The following SIX4 variants were observed in gnomAD, a reference collection of about 807,000 sequenced individuals.
SIX4 encodes homeobox protein SIX4.
Under a neutral mutation model 51.5 loss-of-function variants are expected in SIX4, and 23 were observed. That is an observed-to-expected ratio of 0.45 (90% CI 0.32 to 0.63). SIX4 has a LOEUF of 0.63. Among genes scored for constraint, SIX4 ranks in the 30% least tolerant of loss-of-function variants. SIX4 has a pLI of 0.04. For synonymous variants in SIX4, 413 were observed against 417.3 expected, an observed-to-expected ratio of 0.99 and a Z score of 0.13; for missense variants, 867 against 984.0, an observed-to-expected ratio of 0.88 and a Z score of 1.59.
At chr14:60,718,641 C>T (rs1056307398) in intron 2 of SIX4, among the ~76,000 whole-genome samples, 1 of 152,170 alleles carries the variant, frequency 6.6e-6, no homozygotes, top group Non-Finnish European at 1.5e-5. Context: ...CTTTCCATAA[C>T]TTGGAACAAT....
rs1235206474 is a variant in SIX4 at position 60,722,895 on chromosome 14, CA to C, written c.863+316del. Among the ~76,000 whole-genome samples the C allele has an allele frequency of 7.5e-6, 1 of 134,118 alleles. No individual in the cohort carries two copies. Among genetic ancestry groups the C allele is most frequent in the African/African-American group, 2.8e-5 (1 of 35,568 alleles). 88.0% of individuals were successfully genotyped at this position (134,118 alleles called of 152,430 possible). A position where few individuals can be genotyped will look rare whatever the true frequency, so the allele number is the denominator to read the frequency against. ...AGAAACGGGGAGAGGGTGGCAACTT[CA>C]AAGCCAGCGGGATGGGGGTGGGAAG... On this transcript the variant is annotated intron_variant, in intron 1 of 2. Transcript: ENST00000216513. This position sits in a 1 kb window ranked among gnomAD's most constrained non-coding sequence, Gnocchi z 5.9.
rs879225844 is a variant in SIX4 at position 60,713,605 on chromosome 14, T to C, written c.2148A>G (p.Gln716=). The part of the protein sequence containing the change: ...DFVQEHRLVL[Q]SVANMKENFL... Reference sequence around the variant, plus strand: ...AATTCTCTTTCATGTTAGCTACCGATTGCAGAACCAAACGATGTTCTTGGA... The same window carrying C: ...AATTCTCTTTCATGTTAGCTACCGACTGCAGAACCAAACGATGTTCTTGGA... The change falls in exon 3 of 3, where the codon CAA becomes CAG. Residue 716 remains glutamine, a synonymous_variant. Coordinates refer to ENST00000216513, the MANE Select transcript of SIX4 (RefSeq NM_017420.5). The C allele has an allele frequency of 6.8e-6, 11 of 1,614,120 alleles. No homozygotes were observed. Among genetic ancestry groups the C allele is most frequent in the Non-Finnish European group, 8.5e-6 (10 of 1,180,050 alleles).
In SIX4 at chr14:60,724,133, C is replaced by T. The variant is rs1219075671; in HGVS notation, c.-59G>A. The stretch of plus-strand genomic sequence containing the variant: ...CCTCGCACTCTTTTCCTCTTTCTTT[C>T]CTCCTCTCTTACTCCTCCTCCTTCG... On this transcript the variant is annotated 5_prime_UTR_variant, in exon 1 of 3. Coordinates refer to ENST00000216513, the MANE Select transcript of SIX4 (RefSeq NM_017420.5). The T allele has an allele frequency of 2.5e-6, 4 of 1,603,312 alleles. No homozygotes were observed. Among genetic ancestry groups the T allele is most frequent in the Non-Finnish European group, 2.6e-6 (3 of 1,174,996 alleles).
rs779112035 is a variant in SIX4 at position 60,719,827 on chromosome 14, C to T, written c.1482G>A (p.Gln494=). The change falls in exon 2 of 3, where the codon CAG becomes CAA. Residue 494 remains glutamine (Q), a synonymous_variant. Transcript: ENST00000216513. This position sits in a 1 kb window ranked among gnomAD's most constrained non-coding sequence, Gnocchi z 4.9. The part of the protein sequence containing the change: ...VQIPNSGANS[Q]FLNGSIGFSP... ...AGAATCCAATGCTCCCATTAAGGAA[C>T]TGGCTGTTTGCTCCGGAATTGGGGA... The T allele has an allele frequency of 1.9e-5, 31 of 1,614,108 alleles. No individual in the cohort carries two copies. The Middle Eastern group carries it at 6.6e-4, about 34-fold the overall frequency.
In SIX4 at chr14:60,723,302, T is replaced by C. The variant is rs150719134; in HGVS notation, c.773A>G (p.Lys258Arg). The C allele has an allele frequency of 2.9e-5, 46 of 1,612,896 alleles. No individual in the cohort carries two copies. The African/African-American group carries it at 5.1e-4, about 18-fold the overall frequency. ...PSPAEKRHLA[K>R]ITGLSLTQVS... ...CTGGGTGAGGGAGAGGCCGGTGATCTTGGCCAGGTGCCGCTTCTCGGCGGG... is the reference window on the plus strand; with the variant it reads ...CTGGGTGAGGGAGAGGCCGGTGATCCTGGCCAGGTGCCGCTTCTCGGCGGG... Residue 258 changes from lysine to arginine, a missense_variant, in exon 1 of 3, where the codon AAG (lysine) becomes AGG (arginine). By Grantham distance (26) the Lys-to-Arg change is conservative. Coordinates refer to ENST00000216513, the MANE Select transcript of SIX4 (RefSeq NM_017420.5).
In SIX4 at chr14:60,713,609, A is replaced by G. The variant is rs1329557510; in HGVS notation, c.2144T>C (p.Leu715Pro). Residue 715 changes from leucine to proline, a missense_variant, in exon 3 of 3, where the codon CTG becomes CCG. Physicochemically the swap from Leu to Pro is moderately conservative, Grantham distance 98. Coordinates refer to ENST00000216513, the MANE Select transcript of SIX4 (RefSeq NM_017420.5). ...QDFVQEHRLV[L>P]QSVANMKENF... ...CTCTTTCATGTTAGCTACCGATTGC[A>G]GAACCAAACGATGTTCTTGGACAAA... 3 of 1,614,260 alleles carry G rather than the reference A, an allele frequency of 1.9e-6. No homozygotes were observed. The highest frequency in any genetic ancestry group is 2.5e-6 in the Non-Finnish European group (3 of 1,180,048).
In SIX4 at chr14:60,720,479, G is replaced by A. The variant is rs1896001926; in HGVS notation, c.864-34C>T. The A allele has an allele frequency of 6.3e-7, 1 of 1,581,956 alleles. No individual in the cohort carries two copies. Among genetic ancestry groups the A allele is most frequent in the Non-Finnish European group, 8.6e-7 (1 of 1,163,812 alleles). On this transcript the variant is annotated intron_variant, in intron 1 of 2. Coordinates refer to ENST00000216513, the MANE Select transcript of SIX4 (RefSeq NM_017420.5). This position sits in a 1 kb window ranked among gnomAD's most constrained non-coding sequence, Gnocchi z 5.5. ...AGGGGGAAATCAAAATGTTCAGAAG[G>A]TCAGGGGGATGACATTCTACACAGT...
chr14:60,714,318 A>C (rs1369226578), intron 2 of SIX4, 115 bp from the exon 3 acceptor site: 1 of 890,788 alleles, frequency 1.1e-6, no homozygotes, highest in Non-Finnish European at 1.6e-6. Context: ...ACTTCCATAC[A>C]ATCATTTAGC....
rs1352238986 is a variant in SIX4 at position 60,724,077 on chromosome 14, T to G, written c.-3A>C. 4.1e-5 allele frequency: 64 copies of G among 1,553,706 alleles called. No individual in the cohort carries two copies. Among genetic ancestry groups the G allele is most frequent in the Non-Finnish European group, 5.6e-5 (64 of 1,148,418 alleles). ...CCGGTGGGGGAGGAAGAGGACATTT[T>G]TTGTTGTTTATTTTCCTCCCTCCCT... On this transcript the variant is annotated 5_prime_UTR_variant, in exon 1 of 3. Coordinates refer to ENST00000216513, the MANE Select transcript of SIX4 (RefSeq NM_017420.5).
In SIX4 at chr14:60,723,685, G is replaced by A. The variant is rs1419879164; in HGVS notation, c.390C>T (p.Ala130=). ...TCTGGGGCAGGGACCACAGGAACCGGGCCAGGCGGTCCAGGTTGCCCCCCT... is the reference window on the plus strand; with the variant it reads ...TCTGGGGCAGGGACCACAGGAACCGAGCCAGGCGGTCCAGGTTGCCCCCCT... ...LQQGGNLDRL[A]RFLWSLPQSD... The change falls in exon 1 of 3, where the codon GCC becomes GCT. Residue 130 remains alanine, a synonymous_variant. Coordinates refer to ENST00000216513, the MANE Select transcript of SIX4 (RefSeq NM_017420.5). 3 of 1,572,102 alleles carry A rather than the reference G, an allele frequency of 1.9e-6. No individual in the cohort carries two copies. The highest frequency in any genetic ancestry group is 4.7e-5 in the East Asian group (2 of 42,286).
At chr14:60,721,393 AGG>A (rs1896015988) in intron 1 of SIX4, among the ~76,000 whole-genome samples, 3 of 152,188 alleles carry the variant, frequency 2.0e-5, no homozygotes, top group African/African-American at 7.2e-5. Flanking sequence ...GGCCCAGCAG[AGG>A]ATCCGACATC....
chr14:60,720,075 C>A lies in SIX4; in HGVS notation c.1234G>T (p.Gly412Trp), dbSNP rs758435860. The part of the protein sequence containing the change: ...SNGISMTDIL[G>W]STSQDVKEFK... ...TCCTTCACGTCCTGGGAAGTAGACC[C>A]CAGTATGTCAGTCATGGATATACCA... The change falls in exon 2 of 3, where the codon GGG becomes TGG. Residue 412 changes from glycine to tryptophan, a missense_variant. Gly to Trp is a radical substitution (Grantham distance 184). Coordinates refer to ENST00000216513, the MANE Select transcript of SIX4 (RefSeq NM_017420.5). The surrounding 1 kb of genome is among the most constrained non-coding windows in gnomAD (Gnocchi z 5.5). 3.1e-6 allele frequency: 5 copies of A among 1,614,040 alleles called. No homozygotes were observed. The highest frequency in any genetic ancestry group is 4.2e-6 in the Non-Finnish European group (5 of 1,180,030).
In SIX4 at chr14:60,713,912, A is replaced by C; in HGVS notation, c.1841T>G (p.Val614Gly). 2.5e-6 allele frequency: 4 copies of C among 1,614,196 alleles called. No homozygotes were observed. Among genetic ancestry groups the C allele is most frequent in the Non-Finnish European group, 3.4e-6 (4 of 1,180,032 alleles). The change falls in exon 3 of 3, where the codon GTA becomes GGA. Residue 614 changes from valine to glycine, a missense_variant. Coordinates refer to ENST00000216513, the MANE Select transcript of SIX4 (RefSeq NM_017420.5). ...LHPLASSLVNVSPTHNFSLSP... is the reference protein window; with the variant it reads ...LHPLASSLVNGSPTHNFSLSP... ...GAGAGAAAAATTGTGAGTTGGAGAT[A>C]CATTAACTAATGAGGAGGCCAGTGG...
chr14:60,716,895 T>A (rs1895930060), intron 2 of SIX4, among the ~76,000 whole-genome samples: 1 of 152,192 alleles, frequency 6.6e-6, no homozygotes, highest in Non-Finnish European at 1.5e-5. Context: ...TGAACCCTTT[T>A]AAAACATTTA....
At chr14:60,718,806 A>G (rs1473505293) in intron 2 of SIX4, among the ~76,000 whole-genome samples, 1 of 152,202 alleles carries the variant, frequency 6.6e-6, no homozygotes, top group Non-Finnish European at 1.5e-5. Flanking sequence ...AGAGTTGTGC[A>G]TAAATTGATT....
At chr14:60,718,452 C>G (rs1266046558) in intron 2 of SIX4, among the ~76,000 whole-genome samples, 1 of 152,156 alleles carries the variant, frequency 6.6e-6, no homozygotes, top group Non-Finnish European at 1.5e-5. Flanking sequence ...TTCTCCTCCC[C>G]CAACATACAT....
Position 60,723,476 on chromosome 14 carries a change from C to T in SIX4, c.599G>A (p.Arg200Gln), listed in dbSNP as rs1360336268. 6.2e-7 allele frequency: 1 copy of T among 1,606,930 alleles called. No homozygotes were observed. The highest frequency in any genetic ancestry group is 8.5e-7 in the Non-Finnish European group (1 of 1,179,482). The change falls in exon 1 of 3, where the codon CGG becomes CAG. Residue 200 changes from arginine (R) to glutamine (Q), a missense_variant. Coordinates refer to ENST00000216513, the MANE Select transcript of SIX4 (RefSeq NM_017420.5). ...RYTEAERARGRPLGAVDKYRL... is the reference protein window; with the variant it reads ...RYTEAERARGQPLGAVDKYRL... ...GTACTTGTCTACGGCTCCCAGCGGCCGGCCGCGGGCTCGCTCGGCCTCGGT... is the reference window on the plus strand; with the variant it reads ...GTACTTGTCTACGGCTCCCAGCGGCTGGCCGCGGGCTCGCTCGGCCTCGGT...
In SIX4 at chr14:60,713,574, A is replaced by G. The variant is rs765741814; in HGVS notation, c.2179T>C (p.Ser727Pro). The change falls in exon 3 of 3, where the codon TCA (serine) becomes CCA (proline). Residue 727 changes from serine to proline, a missense_variant. Physicochemically the swap from Ser to Pro is moderately conservative, Grantham distance 74. Transcript: ENST00000216513. Reference sequence around the variant, plus strand: ...CTTGTTGCTTTGCTCTCAGAATTTGATAAGAAATTCTCTTTCATGTTAGCT... The same window carrying G: ...CTTGTTGCTTTGCTCTCAGAATTTGGTAAGAAATTCTCTTTCATGTTAGCT... The part of the protein sequence containing the change: ...SVANMKENFL[S>P]NSESKATSSL... 8 of 1,614,182 alleles carry G rather than the reference A, an allele frequency of 5.0e-6. No homozygotes were observed. The highest frequency in any genetic ancestry group is 4.5e-5 in the East Asian group (2 of 44,886).
chr14:60,723,057 C>T lies in SIX4; in HGVS notation c.863+155G>A, dbSNP rs775541160. ...CGCCTCCGCCGCCCCCTACCTCTGC[C>T]GGCCGGGGAGCGAGGTAGGGGGCGG... On this transcript the variant is annotated intron_variant, in intron 1 of 2. Coordinates refer to ENST00000216513, the MANE Select transcript of SIX4 (RefSeq NM_017420.5). 55 of 1,411,402 alleles carry T rather than the reference C, an allele frequency of 3.9e-5. 3 individuals carry two copies. In the South Asian group the frequency reaches 8.3e-4, roughly 21 times the overall value. The allele number at this position is 1,411,402 out of a possible 1,614,324, so 87.4% of individuals were successfully genotyped here.
Sources: allele counts gnomAD v4.1 joint callset (sites outside exome capture counted in the v4.1 genomes callset), GRCh38; gene constraint gnomAD v4.1.1; non-coding constraint Gnocchi (gnomAD v3.1); transcripts MANE v1.5; gene names NCBI Gene and HGNC (gene_info 2026-07-23, HGNC 2026-07-21).